Variants in PRKD1 observed in about 807,000 individuals in gnomAD.
PRKD1 encodes the protein serine/threonine-protein kinase D1.
Under a neutral mutation model 95.9 loss-of-function variants are expected in PRKD1, and 63 were observed. That is an observed-to-expected ratio of 0.66 (90% CI 0.54 to 0.81). The LOEUF is 0.81. Ranked by LOEUF, PRKD1 falls within the 30% of genes least tolerant of loss-of-function variation. The probability of loss-of-function intolerance (pLI) is 0.00; values close to 1 mark genes in which losing one functional copy is unlikely to be tolerated. For missense variants in PRKD1, 1,048 were observed against 1,165.3 expected, an observed-to-expected ratio of 0.90 and a Z score of 1.47; for synonymous variants, 425 against 423.1, an observed-to-expected ratio of 1.00 and a Z score of -0.05.
At chr14:29,831,070 T>C (rs941972211) in intron 1 of PRKD1, among the ~76,000 whole-genome samples, 1 of 152,214 alleles carries the variant, frequency 6.6e-6, no homozygotes, top group Non-Finnish European at 1.5e-5. Flanking sequence ...TTCATGAATT[T>C]ATACTTTAAA....
chr14:29,857,573 T>G (rs887639345), intron 1 of PRKD1, among the ~76,000 whole-genome samples: 5 of 152,200 alleles, frequency 3.3e-5, no homozygotes, highest in African/African-American at 1.2e-4. Context: ...GTGATTCAAG[T>G]GTCCTCTTCA....
At chr14:29,648,718 G>A (rs10150995) in intron 4 of PRKD1, among the ~76,000 whole-genome samples, 2,246 of 151,876 alleles carry the variant, frequency 0.015, 61 homozygotes, top group African/African-American at 0.05. Context: ...GCAGTGGTGC[G>A]ATCTCGGCTC....
chr14:29,730,567 G>A (rs1306523312), intron 1 of PRKD1, among the ~76,000 whole-genome samples: 1 of 152,056 alleles, frequency 6.6e-6, no homozygotes, highest in African/African-American at 2.4e-5. Flanking sequence ...AGAGAAAACT[G>A]CATTCCCATG....
At chr14:29,867,349 CATG>C (rs2139370679) in intron 1 of PRKD1, among the ~76,000 whole-genome samples, 1 of 152,152 alleles carries the variant, frequency 6.6e-6, no homozygotes, top group Non-Finnish European at 1.5e-5. Context: ...CAAGATAAGA[CATG>C]AAGAAAGGGA....
intron 1 of PRKD1, among the ~76,000 whole-genome samples, chr14:29,903,669 T>G (rs1894397862): frequency 6.6e-6 from 1 of 152,142 alleles, no homozygotes; most frequent in Middle Eastern, 3.2e-3. Flanking sequence ...ATCTTAATAC[T>G]TACCTTTAAA....
At chr14:29,592,790 A>G (rs936674089) in intron 16 of PRKD1, 3 of 152,182 alleles carry the variant, frequency 2.0e-5, no homozygotes, top group Non-Finnish European at 2.9e-5. Flanking sequence ...GATCACCAAG[A>G]TACTAAATGG....
intron 1 of PRKD1, among the ~76,000 whole-genome samples, chr14:29,865,957 T>C (rs1892886006): frequency 6.6e-6 from 1 of 152,180 alleles, no homozygotes; most frequent in Non-Finnish European, 1.5e-5. Flanking sequence ...TATAAGATAT[T>C]TTTTAACCTA....
intron 1 of PRKD1, among the ~76,000 whole-genome samples, chr14:29,752,633 A>G (rs1225833154): frequency 6.6e-6 from 1 of 151,778 alleles, no homozygotes; most frequent in Admixed American, 6.6e-5. Flanking sequence ...GGAATCAGAT[A>G]ACACTTTCTT....
chr14:29,815,031 G>A (rs890692463), intron 1 of PRKD1, among the ~76,000 whole-genome samples: 8 of 152,122 alleles, frequency 5.3e-5, no homozygotes, highest in Non-Finnish European at 1.2e-4. Context: ...TCTAAATTGT[G>A]TCATTAAAAT....
intron 2 of PRKD1, among the ~76,000 whole-genome samples, chr14:29,684,238 C>A (rs888961390): frequency 6.6e-6 from 1 of 151,536 alleles, no homozygotes; most frequent in Non-Finnish European, 1.5e-5. Flanking sequence ...GCAACCTCTG[C>A]CTCTTGGGTT....
chr14:29,776,356 G>A (rs960326092), intron 1 of PRKD1, among the ~76,000 whole-genome samples: 1 of 152,150 alleles, frequency 6.6e-6, no homozygotes, highest in South Asian at 2.1e-4. Context: ...CGAGCTAAAG[G>A]AGGATGTTCG....
intron 6 of PRKD1, among the ~76,000 whole-genome samples, chr14:29,637,247 A>G (rs962178797): frequency 2.0e-5 from 3 of 152,238 alleles, no homozygotes; most frequent in Non-Finnish European, 4.4e-5. Flanking sequence ...TATTGGAGTA[A>G]CTTTGAAAAT....
At chr14:29,689,221 A>T (rs761088943) in intron 2 of PRKD1, among the ~76,000 whole-genome samples, 5 of 152,016 alleles carry the variant, frequency 3.3e-5, no homozygotes, top group Non-Finnish European at 7.4e-5. Flanking sequence ...CCAATCTGAC[A>T]AAGGGGTAAT....
intron 2 of PRKD1, among the ~76,000 whole-genome samples, chr14:29,700,962 GTACGCGTGCGCA>G (rs56996986): frequency 0.43 from 63,054 of 148,344 alleles, 13,525 homozygotes; most frequent in African/African-American, 0.51. Flanking sequence ...GCATTTGTGT[GTACGCGTGCGCA>G]TGCGCGCGCG....
intron 1 of PRKD1, among the ~76,000 whole-genome samples, chr14:29,872,544 C>T (rs758716269): frequency 4.6e-5 from 7 of 151,454 alleles, no homozygotes; most frequent in Non-Finnish European, 8.8e-5. Context: ...CCCAGCTACT[C>T]GGGAGGCTGA....
At chr14:29,753,619 C>A (rs1470055959) in intron 1 of PRKD1, among the ~76,000 whole-genome samples, 2 of 152,098 alleles carry the variant, frequency 1.3e-5, no homozygotes, top group African/African-American at 2.4e-5. Flanking sequence ...TTTCTCCTCC[C>A]CAGCCCAGAG....
At chr14:29,704,933 A>T (rs1402759349) in intron 2 of PRKD1, among the ~76,000 whole-genome samples, 1 of 152,132 alleles carries the variant, frequency 6.6e-6, no homozygotes, top group Non-Finnish European at 1.5e-5. Flanking sequence ...GGTCCATGTG[A>T]TATTTGTCCT....
At chr14:29,606,770 G>A (rs1878006036) in intron 13 of PRKD1, among the ~76,000 whole-genome samples, 1 of 152,268 alleles carries the variant, frequency 6.6e-6, no homozygotes, top group South Asian at 2.1e-4. Flanking sequence ...AGATGATAAT[G>A]ACCACTGTAC....
At chr14:29,795,905 A>T (rs1236401514) in intron 1 of PRKD1, among the ~76,000 whole-genome samples, 1 of 152,184 alleles carries the variant, frequency 6.6e-6, no homozygotes, top group Non-Finnish European at 1.5e-5. Context: ...CAAAGTTTAC[A>T]AAGGAAGGTA....
Sources: allele counts gnomAD v4.1 joint callset (sites outside exome capture counted in the v4.1 genomes callset), GRCh38; gene constraint gnomAD v4.1.1; transcripts MANE v1.5; gene names NCBI Gene and HGNC (gene_info 2026-07-23, HGNC 2026-07-21).